NEGR1: variants seen among roughly 807,000 people sequenced by gnomAD.
NEGR1 encodes neuronal growth regulator 1.
Under a neutral mutation model 40.9 loss-of-function variants are expected in NEGR1, and 10 were observed. The ratio of observed to expected loss-of-function variants is 0.24; its 90% confidence interval spans 0.15 to 0.42. The LOEUF (loss-of-function observed/expected upper bound fraction) is 0.42. Among genes scored for constraint, NEGR1 ranks in the 10% least tolerant of loss-of-function variants. NEGR1 has a pLI of 1.00. For synonymous variants in NEGR1, 185 were observed against 166.8 expected, an observed-to-expected ratio of 1.11 and a Z score of -0.84; for missense variants, 352 against 438.9, an observed-to-expected ratio of 0.80 and a Z score of 1.77.
intron 1 of NEGR1, among the ~76,000 whole-genome samples, chr1:72,159,135 T>G (rs552203747): frequency 6.6e-6 from 1 of 152,300 alleles, no homozygotes; most frequent in East Asian, 1.9e-4. Flanking sequence ...TGTCCACTGC[T>G]ATGCTGATTT....
intron 3 of NEGR1, among the ~76,000 whole-genome samples, chr1:71,739,254 G>T (rs1570279678): frequency 6.8e-6 from 1 of 147,560 alleles, no homozygotes. Context: ...GACTCGCTTA[G>T]CCTCCCAGCC....
chr1:72,201,730 C>T (rs1369099433), intron 1 of NEGR1, among the ~76,000 whole-genome samples: 3 of 151,748 alleles, frequency 2.0e-5, no homozygotes, highest in Non-Finnish European at 4.4e-5. Context: ...TTTTACCAAA[C>T]AGATGTCCTA....
intron 1 of NEGR1, among the ~76,000 whole-genome samples, chr1:72,006,374 C>G (rs1416198751): frequency 2.0e-5 from 3 of 152,092 alleles, no homozygotes; most frequent in Non-Finnish European, 2.9e-5. Flanking sequence ...ACATTCCATG[C>G]ATTTTAAATG....
chr1:72,275,430 A>G (rs1270534901), intron 1 of NEGR1, among the ~76,000 whole-genome samples: 6 of 152,106 alleles, frequency 3.9e-5, no homozygotes, highest in Admixed American at 3.3e-4. Flanking sequence ...AACCAATTTA[A>G]CATTTCCTTT....
chr1:72,109,246 T>G (rs1239595730), intron 1 of NEGR1, among the ~76,000 whole-genome samples: 1 of 151,162 alleles, frequency 6.6e-6, no homozygotes, highest in African/African-American at 2.4e-5. Context: ...TCCAAGAATA[T>G]AAAGAAAAAA....
intron 1 of NEGR1, among the ~76,000 whole-genome samples, chr1:72,143,940 T>TATATATATATATATATATATATATATATA (rs1650805293): frequency 1.5e-5 from 2 of 137,908 alleles, no homozygotes; most frequent in African/African-American, 5.4e-5. Flanking sequence ...TATATATATA[T>TATATATATATATATATATATATATATATA]TCATCCATTC....
intron 1 of NEGR1, among the ~76,000 whole-genome samples, chr1:72,126,088 A>AGTGTGTGTGTGTGTGTGT (rs72096511): frequency 2.0e-4 from 26 of 129,322 alleles, no homozygotes; most frequent in South Asian, 5.3e-4. Flanking sequence ...ATTAGAGAAA[A>AGTGTGTGTGTGTGTGTGT]GTATGTGTGT....
At chr1:71,788,182 A>T (rs571782444) in intron 2 of NEGR1, among the ~76,000 whole-genome samples, 1 of 152,228 alleles carries the variant, frequency 6.6e-6, no homozygotes, top group East Asian at 1.9e-4. Flanking sequence ...AAAATATTAC[A>T]AACAAAGGTT....
intron 2 of NEGR1, among the ~76,000 whole-genome samples, chr1:71,914,505 C>G (rs1222707316): frequency 6.6e-6 from 1 of 152,208 alleles, no homozygotes; most frequent in Non-Finnish European, 1.5e-5. Flanking sequence ...GATCATCCCA[C>G]TTTTCATATG....
chr1:71,918,605 A>C (rs563319881), intron 2 of NEGR1, among the ~76,000 whole-genome samples: 1 of 152,234 alleles, frequency 6.6e-6, no homozygotes, highest in Non-Finnish European at 1.5e-5. Flanking sequence ...TTCAAGGGTA[A>C]ATTTATGTTA....
At chr1:71,726,168 AT>A (rs924916185) in intron 3 of NEGR1, among the ~76,000 whole-genome samples, 5 of 151,242 alleles carry the variant, frequency 3.3e-5, no homozygotes, top group Admixed American at 3.3e-4. Context: ...GCTGGAATTT[AT>A]TTTTTTTTCT....
intron 1 of NEGR1, among the ~76,000 whole-genome samples, chr1:72,108,668 G>A (rs982107983): frequency 6.6e-6 from 1 of 151,546 alleles, no homozygotes; most frequent in African/African-American, 2.4e-5. Flanking sequence ...GCTAAAGAAA[G>A]CATAATTTAC....
chr1:71,541,924 T>C (rs1038284127), intron 6 of NEGR1, among the ~76,000 whole-genome samples: 2 of 151,786 alleles, frequency 1.3e-5, no homozygotes, highest in African/African-American at 4.8e-5. Flanking sequence ...TATTTATTCC[T>C]TTTTCAATGC....
intron 4 of NEGR1, among the ~76,000 whole-genome samples, chr1:71,645,520 C>T (rs1651500607): frequency 1.3e-5 from 2 of 151,718 alleles, no homozygotes; most frequent in Admixed American, 6.6e-5. Flanking sequence ...CTCATTCCCA[C>T]AGCAGAAAAA....
chr1:71,807,776 A>G (rs939506912), intron 2 of NEGR1, among the ~76,000 whole-genome samples: 3 of 152,178 alleles, frequency 2.0e-5, no homozygotes, highest in Non-Finnish European at 4.4e-5. Flanking sequence ...AGTAACTTGC[A>G]CACTACAAAA....
intron 1 of NEGR1, among the ~76,000 whole-genome samples, chr1:72,265,064 T>A (rs890802808): frequency 6.6e-6 from 1 of 151,002 alleles, no homozygotes; most frequent in African/African-American, 2.4e-5. Flanking sequence ...TAACATTTTC[T>A]AATTAATCAA....
At chr1:71,990,763 T>A (rs1259697735) in intron 1 of NEGR1, among the ~76,000 whole-genome samples, 3 of 152,048 alleles carry the variant, frequency 2.0e-5, no homozygotes, top group African/African-American at 7.2e-5. Flanking sequence ...ACTTCCTAAT[T>A]TTCATCAAAA....
chr1:71,845,914 G>A lies in NEGR1; in HGVS notation c.410-69617C>T, dbSNP rs564154724. On this transcript the variant is annotated intron_variant, in intron 2 of 6. Coordinates refer to ENST00000357731, the MANE Select transcript of NEGR1 (RefSeq NM_173808.3). ...AGCTAGGACTACAAGGGCATGCCAC[G>A]GCACCTGGCTTTTTTTTTTTTTTTT... Among the ~76,000 whole-genome samples the A allele has an allele frequency of 1.8e-4, 26 of 144,188 alleles. No homozygotes were observed. The South Asian group carries it at 2.5e-3, about 14-fold the overall frequency. 94.6% of individuals were successfully genotyped at this position (144,188 alleles called of 152,430 possible).
At chr1:71,446,368 C>A (rs888651596) in intron 6 of NEGR1, among the ~76,000 whole-genome samples, 5 of 152,130 alleles carry the variant, frequency 3.3e-5, no homozygotes, top group African/African-American at 1.2e-4. Context: ...AAAAGCTACA[C>A]TTTCTTAAAT....
Sources: gnomAD v4.1 joint callset for allele counts (sites outside exome capture counted in the v4.1 genomes callset) on GRCh38, gnomAD v4.1.1 for gene constraint, MANE v1.5 for transcripts, NCBI Gene and HGNC (gene_info 2026-07-23, HGNC 2026-07-21) for gene names.